The following NRXN3 variants were observed in gnomAD, a reference collection of about 807,000 sequenced individuals.
The protein encoded by NRXN3 is neurexin 3.
A neutral mutation model predicts 137.6 loss-of-function variants in NRXN3; 32 were observed. The ratio of observed to expected loss-of-function variants is 0.23; its 90% CI spans 0.18 to 0.31. The LOEUF (loss-of-function observed/expected upper bound fraction) is 0.31, where lower values mean the gene tolerates loss of function less well. Ranked by LOEUF, NRXN3 falls within the 10% of genes least tolerant of loss-of-function variation. The probability of loss-of-function intolerance (pLI) is 1.00; values close to 1 mark genes in which losing one functional copy is unlikely to be tolerated. For missense variants in NRXN3, 1,574 were observed against 2,062.5 expected, an observed-to-expected ratio of 0.76 and a Z score of 4.59; for synonymous variants, 798 against 784.5, an observed-to-expected ratio of 1.02 and a Z score of -0.29.
intron 4 of NRXN3, among the ~76,000 whole-genome samples, chr14:78,483,981 TACACACACACACAC>T (rs71979335): frequency 0.55 from 68,079 of 123,826 alleles, 17,428 homozygotes; most frequent in Middle Eastern, 0.69. Flanking sequence ...GGGATGCTCT[TACACACACACACAC>T]ACACACACAC....
At chr14:78,629,125 T>TATCATCACC (rs1205956646) in intron 4 of NRXN3, among the ~76,000 whole-genome samples, 3 of 152,224 alleles carry the variant, frequency 2.0e-5, no homozygotes, top group Admixed American at 6.5e-5. Context: ...GCATCATCAC[T>TATCATCACC]ATCATCACCC....
In NRXN3 at chr14:79,862,013, C is replaced by G. The variant is rs557691161; in HGVS notation, c.*49C>G. 7.7e-6 allele frequency: 11 copies of G among 1,425,114 alleles called. No homozygotes were observed. The South Asian group carries it at 9.3e-5, about 12-fold the overall frequency. 88.3% of individuals were successfully genotyped at this position (1,425,114 alleles called of 1,614,324 possible). On this transcript the variant is annotated 3_prime_UTR_variant, in exon 21 of 21. Coordinates refer to ENST00000335750, the MANE Select transcript of NRXN3 (RefSeq NM_001330195.2). ...GAGTTTTCACAGTTATTTCTATCCACGCCTATGAATCTTTGGACGGTGAGA... is the reference window on the plus strand; with the variant it reads ...GAGTTTTCACAGTTATTTCTATCCAGGCCTATGAATCTTTGGACGGTGAGA...
At chr14:78,839,820 A>G (rs1480160925) in intron 10 of NRXN3, among the ~76,000 whole-genome samples, 1 of 152,220 alleles carries the variant, frequency 6.6e-6, no homozygotes, top group African/African-American at 2.4e-5. Context: ...ATCTGCATGC[A>G]TAAACACTAC....
chr14:79,575,361 A>G (rs1261198590), intron 16 of NRXN3, among the ~76,000 whole-genome samples: 1 of 152,146 alleles, frequency 6.6e-6, no homozygotes. Context: ...GACATAAACA[A>G]ATTTATTTGA....
At chr14:78,675,419 G>T (rs150900234) in intron 6 of NRXN3, among the ~76,000 whole-genome samples, 5 of 152,206 alleles carry the variant, frequency 3.3e-5, no homozygotes, top group African/African-American at 1.2e-4. Context: ...AAGAAGAGAA[G>T]CCAAGTGCAT....
chr14:78,999,141 T>G (rs908137543), intron 15 of NRXN3, among the ~76,000 whole-genome samples: 2 of 152,168 alleles, frequency 1.3e-5, no homozygotes, highest in Admixed American at 1.3e-4. Flanking sequence ...TACCTTGTAG[T>G]GTTTTGGCCA....
intron 4 of NRXN3, among the ~76,000 whole-genome samples, chr14:78,404,991 A>C (rs1468137338): frequency 6.6e-6 from 1 of 152,220 alleles, no homozygotes; most frequent in Non-Finnish European, 1.5e-5. Context: ...CTTATGGGAC[A>C]AGTTTAATGA....
chr14:78,659,414 C>T lies in NRXN3; in HGVS notation c.1221+8088C>T, dbSNP rs78018390. 9.7e-3 allele frequency among the ~76,000 whole-genome samples: 1,469 copies of T among 152,134 alleles called. 10 individuals are homozygous for T. The highest frequency in any genetic ancestry group is 0.014 in the Non-Finnish European group (926 of 67,994). On this transcript the variant is annotated intron_variant, in intron 6 of 20. Coordinates refer to ENST00000335750, the MANE Select transcript of NRXN3 (RefSeq NM_001330195.2). ...CCATTTTTGGCTGGGCATGGTAGTT[C>T]ACGCCCATAATTTTAGCACTTTAGG...
chr14:79,257,478 GTGATGGTGGTGA>G (rs2076860005), intron 15 of NRXN3, among the ~76,000 whole-genome samples: 1 of 54,914 alleles, frequency 1.8e-5, no homozygotes, highest in Admixed American at 1.8e-4. Flanking sequence ...GGTGATGGTG[GTGATGGTGGTGA>G]TGGTGGTGGT....
chr14:79,220,194 G>T (rs1294239183), intron 15 of NRXN3, among the ~76,000 whole-genome samples: 1 of 152,142 alleles, frequency 6.6e-6, no homozygotes, highest in Non-Finnish European at 1.5e-5. Flanking sequence ...CTACATCAGA[G>T]AAATCATCCT....
intron 16 of NRXN3, among the ~76,000 whole-genome samples, chr14:79,545,948 T>C (rs1422159789): frequency 6.6e-6 from 1 of 151,988 alleles, no homozygotes; most frequent in Non-Finnish European, 1.5e-5. Context: ...AATTGAATCA[T>C]GGGGGTAGGT....
intron 4 of NRXN3, among the ~76,000 whole-genome samples, chr14:78,579,507 A>T (rs1401217615): frequency 6.6e-6 from 1 of 151,684 alleles, no homozygotes; most frequent in Non-Finnish European, 1.5e-5. Flanking sequence ...TCAAGGTGTG[A>T]TTAAGACACT....
intron 15 of NRXN3, among the ~76,000 whole-genome samples, chr14:79,404,614 C>G (rs1290475460): frequency 6.6e-6 from 1 of 152,086 alleles, no homozygotes; most frequent in Non-Finnish European, 1.5e-5. Context: ...GGGGCATACA[C>G]TGCGATTAAA....
At chr14:79,367,128 C>T (rs764067576) in intron 15 of NRXN3, among the ~76,000 whole-genome samples, 15 of 151,910 alleles carry the variant, frequency 9.9e-5, no homozygotes, top group African/African-American at 1.7e-4. Context: ...GGACTACAGG[C>T]GTCCACCACC....
At chr14:78,676,401 T>C (rs1336076202) in intron 6 of NRXN3, among the ~76,000 whole-genome samples, 1 of 152,078 alleles carries the variant, frequency 6.6e-6, no homozygotes, top group African/African-American at 2.4e-5. Flanking sequence ...GTTTTACTGC[T>C]CTAGGTGGAA....
At chr14:79,493,492 A>G (rs1402739157) in intron 16 of NRXN3, among the ~76,000 whole-genome samples, 2 of 152,220 alleles carry the variant, frequency 1.3e-5, no homozygotes, top group African/African-American at 2.4e-5. Context: ...ATTTGAACAA[A>G]TGAGGTATGC....
At chr14:79,183,041 A>C (rs1268388184) in intron 15 of NRXN3, among the ~76,000 whole-genome samples, 1 of 152,230 alleles carries the variant, frequency 6.6e-6, no homozygotes, top group Non-Finnish European at 1.5e-5. Context: ...CATTATATGA[A>C]GTCTACATTT....
intron 20 of NRXN3, among the ~76,000 whole-genome samples, chr14:79,824,346 A>C (rs1274767747): frequency 1.3e-5 from 2 of 152,202 alleles, no homozygotes; most frequent in Admixed American, 1.3e-4. Flanking sequence ...GATTACCTTT[A>C]ATCCAAGAGA....
chr14:79,066,312 T>A (rs1031984019), intron 15 of NRXN3, among the ~76,000 whole-genome samples: 2 of 152,146 alleles, frequency 1.3e-5, no homozygotes, highest in Non-Finnish European at 2.9e-5. Context: ...TGTGCGGTCT[T>A]ATGTCTGAGT....
Sources: allele counts gnomAD v4.1 joint callset (sites outside exome capture counted in the v4.1 genomes callset), GRCh38; gene constraint gnomAD v4.1.1; transcripts MANE v1.5; gene names NCBI Gene and HGNC (gene_info 2026-07-23, HGNC 2026-07-21).